Variants in SNTG1 observed in about 807,000 individuals in gnomAD.
SNTG1 encodes gamma-1-syntrophin.
Under a neutral mutation model 74.7 loss-of-function variants are expected in SNTG1, and 39 were observed. That is an observed-to-expected ratio of 0.52 (90% CI 0.40 to 0.68). SNTG1 has a LOEUF of 0.68. SNTG1 is among the 30% of genes least tolerant of loss of function. The pLI, the probability that SNTG1 is intolerant of heterozygous loss-of-function variation, is 0.00. For missense variants in SNTG1, 685 were observed against 609.5 expected, an observed-to-expected ratio of 1.12 and a Z score of -1.30; for synonymous variants, 254 against 217.1, an observed-to-expected ratio of 1.17 and a Z score of -1.49.
chr8:50,713,432 T>A (rs1585618968), intron 17 of SNTG1, among the ~76,000 whole-genome samples: 1 of 152,260 alleles, frequency 6.6e-6, no homozygotes, highest in Admixed American at 6.5e-5. Context: ...ATTACAAAAA[T>A]TTTCTCCCAT....
intron 1 of SNTG1, among the ~76,000 whole-genome samples, chr8:50,168,397 T>G (rs191943682): frequency 4.7e-4 from 71 of 152,286 alleles, no homozygotes; most frequent in Admixed American, 1.8e-3. Flanking sequence ...TTTTTTTCTC[T>G]AATAGTAAAG....
chr8:50,128,932 C>T (rs2081229861), intron 1 of SNTG1, among the ~76,000 whole-genome samples: 1 of 151,966 alleles, frequency 6.6e-6, no homozygotes. Flanking sequence ...ACATTCATGG[C>T]TATGTCAGTC....
At chr8:50,533,074 C>T (rs760518323) in intron 10 of SNTG1, among the ~76,000 whole-genome samples, 31 of 152,176 alleles carry the variant, frequency 2.0e-4, no homozygotes, top group Admixed American at 1.8e-3. Flanking sequence ...TAAAGATGCG[C>T]GACATCACTA....
intron 1 of SNTG1, among the ~76,000 whole-genome samples, chr8:49,997,779 T>A (rs374746669): frequency 6.6e-6 from 1 of 152,170 alleles, no homozygotes; most frequent in South Asian, 2.1e-4. Flanking sequence ...GATCTTGAGA[T>A]CTTGTAGTGT....
intron 1 of SNTG1, among the ~76,000 whole-genome samples, chr8:49,970,254 C>T (rs940517142): frequency 6.6e-6 from 1 of 152,034 alleles, no homozygotes; most frequent in Non-Finnish European, 1.5e-5. Flanking sequence ...ATTTCAGCAC[C>T]AACAAACAGC....
At chr8:50,366,307 A>T (rs1311067017) in intron 2 of SNTG1, among the ~76,000 whole-genome samples, 2 of 152,216 alleles carry the variant, frequency 1.3e-5, no homozygotes, top group African/African-American at 4.8e-5. Context: ...CCAAGATCAC[A>T]GAGTGAGTCA....
chr8:50,321,466 T>C (rs2090526723), intron 2 of SNTG1, among the ~76,000 whole-genome samples: 1 of 152,114 alleles, frequency 6.6e-6, no homozygotes, highest in Admixed American at 6.6e-5. Flanking sequence ...GATTATTGGG[T>C]CTTCCCTTTT....
chr8:50,621,215 T>G (rs1026489173), intron 13 of SNTG1, among the ~76,000 whole-genome samples: 36 of 152,258 alleles, frequency 2.4e-4, no homozygotes, highest in African/African-American at 8.4e-4. Context: ...ACACTGGTCC[T>G]AAAACTGAAC....
At chr8:50,720,333 C>G (rs200956206) in intron 17 of SNTG1, among the ~76,000 whole-genome samples, 1 of 134,584 alleles carries the variant, frequency 7.4e-6, no homozygotes, top group Non-Finnish European at 1.7e-5. Flanking sequence ...TTCAATATTA[C>G]TAACTTAGCT....
chr8:50,359,685 T>G (rs769221794), intron 2 of SNTG1, among the ~76,000 whole-genome samples: 18 of 152,150 alleles, frequency 1.2e-4, no homozygotes, highest in Non-Finnish European at 2.5e-4. Flanking sequence ...GAAATTCTAG[T>G]TGTCTATCAG....
At chr8:50,191,714 C>T (rs1421185153) in intron 2 of SNTG1, among the ~76,000 whole-genome samples, 1 of 152,020 alleles carries the variant, frequency 6.6e-6, no homozygotes, top group African/African-American at 2.4e-5. Context: ...TGTGCTAATG[C>T]TCTACCTCCC....
chr8:50,056,074 G>T (rs1474168399), intron 1 of SNTG1, among the ~76,000 whole-genome samples: 1 of 151,990 alleles, frequency 6.6e-6, no homozygotes, highest in Non-Finnish European at 1.5e-5. Context: ...TGTCAGATTG[G>T]ATTTGAAAAT....
intron 1 of SNTG1, among the ~76,000 whole-genome samples, chr8:50,056,324 T>A (rs1036707164): frequency 6.6e-6 from 1 of 152,122 alleles, no homozygotes; most frequent in South Asian, 2.1e-4. Context: ...GGACCTAGGA[T>A]TGGCCTTAGG....
chr8:50,727,402 A>G (rs1228973826), intron 17 of SNTG1, among the ~76,000 whole-genome samples: 3 of 152,192 alleles, frequency 2.0e-5, no homozygotes, highest in Non-Finnish European at 2.9e-5. Context: ...AGCTTTCAAC[A>G]GATGATATTT....
At chr8:49,958,371 C>T (rs1810371363) in intron 1 of SNTG1, among the ~76,000 whole-genome samples, 1 of 151,800 alleles carries the variant, frequency 6.6e-6, no homozygotes, top group Admixed American at 6.6e-5. Flanking sequence ...TAACAGGGGG[C>T]AGTGTCCTAC....
In SNTG1 at chr8:50,481,746, G is replaced by A. The variant is rs150726589; in HGVS notation, c.364-21032G>A. Reference sequence around the variant, plus strand: ...GTTATGTACTTCTACTTATATCAAGGAATGTTTTGATGATTGGTGTGAAAA... The same window carrying A: ...GTTATGTACTTCTACTTATATCAAGAAATGTTTTGATGATTGGTGTGAAAA... On this transcript the variant is annotated intron_variant, in intron 8 of 18. Transcript: ENST00000642720. Among the ~76,000 whole-genome samples, 340 of 152,246 alleles carry A rather than the reference G, an allele frequency of 2.2e-3. 1 individual carries two copies. Among genetic ancestry groups the A allele is most frequent in the Non-Finnish European group, 4.1e-3 (277 of 68,006 alleles).
intron 2 of SNTG1, among the ~76,000 whole-genome samples, chr8:50,390,986 T>G (rs2092650198): frequency 6.6e-6 from 1 of 152,078 alleles, no homozygotes; most frequent in Non-Finnish European, 1.5e-5. Flanking sequence ...ATGATGGGGT[T>G]TTCTAAATAT....
At chr8:49,999,248 T>C (rs1173133622) in intron 1 of SNTG1, among the ~76,000 whole-genome samples, 1 of 152,204 alleles carries the variant, frequency 6.6e-6, no homozygotes, top group African/African-American at 2.4e-5. Flanking sequence ...GTGCCCAGTT[T>C]CACAGTTGCT....
At position 50,125,755 on chromosome 8, in the gene SNTG1, G is replaced by A. The variant is rs2081118056; in HGVS notation, c.-102-46806G>A. On this transcript the variant is annotated intron_variant, in intron 1 of 18. Coordinates refer to ENST00000642720, the MANE Select transcript of SNTG1 (RefSeq NM_018967.5). Reference sequence around the variant, plus strand: ...TTGTTTCCTAAGTGCTTAGTATATGGTGTGTTACGTTGCTGTATTAAGATG... The same window carrying A: ...TTGTTTCCTAAGTGCTTAGTATATGATGTGTTACGTTGCTGTATTAAGATG... Among the ~76,000 whole-genome samples the A allele has an allele frequency of 3.1e-5, 3 of 96,796 alleles. 1 individual carries two copies. The highest frequency in any genetic ancestry group is 1.0e-4 in the African/African-American group (3 of 29,408). The allele number at this position is 96,796 out of a possible 152,430, so 63.5% of individuals were successfully genotyped here. A position where few individuals can be genotyped will look rare whatever the true frequency, so the allele number is the denominator to read the frequency against.
Sources: gnomAD v4.1 joint callset for allele counts (sites outside exome capture counted in the v4.1 genomes callset) on GRCh38, gnomAD v4.1.1 for gene constraint, MANE v1.5 for transcripts, NCBI Gene and HGNC (gene_info 2026-07-23, HGNC 2026-07-21) for gene names.